Variants in GRIK3 observed in about 807,000 individuals in gnomAD.
The protein encoded by GRIK3 is glutamate ionotropic receptor kainate type subunit 3, also known as glutamate receptor ionotropic, kainate 3.
GRIK3 carries 29 observed loss-of-function variants against 102.5 expected under a neutral mutation model. The observed-to-expected ratio is 0.28, with a 90% CI of 0.21 to 0.39. The LOEUF is 0.39. GRIK3 is among the 10% of genes least tolerant of loss of function. The pLI is 1.00. For synonymous variants in GRIK3, 511 were observed against 504.9 expected (o/e 1.01, Z -0.16); for missense variants, 908 against 1,252.4 (o/e 0.73, Z 4.15).
At position 36,878,642 on chromosome 1, in the gene GRIK3, C is replaced by T. The variant is rs111632579; in HGVS notation, c.550+1992G>A. On this transcript the variant is annotated intron_variant, in intron 3 of 15. Transcript: ENST00000373091. ...GGCCAGGCTAAGAAATGTCTTGGGA[C>T]TCAAGCCTTTGGAAAGAAAGAGGAG... is the stretch of plus-strand genomic sequence containing the variant. 8.4e-3 allele frequency among the ~76,000 whole-genome samples: 1,278 copies of T among 152,294 alleles called. 16 individuals carry two copies. The highest frequency in any genetic ancestry group is 0.029 in the African/African-American group (1,223 of 41,558).
intron 1 of GRIK3, among the ~76,000 whole-genome samples, chr1:36,948,997 G>C (rs1397117675): frequency 6.6e-6 from 1 of 152,194 alleles, no homozygotes; most frequent in Non-Finnish European, 1.5e-5. Flanking sequence ...GGGCACTGCT[G>C]GGTGGCTCAG....
chr1:36,931,217 G>T (rs1641584982), intron 1 of GRIK3, among the ~76,000 whole-genome samples: 1 of 152,116 alleles, frequency 6.6e-6, no homozygotes, highest in South Asian at 2.1e-4. Flanking sequence ...ATAAAAGCAG[G>T]ATAAACAGGG....
At chr1:36,825,490 C>T in intron 11 of GRIK3, 113 bp downstream of exon 11, 1 of 627,824 alleles carries the variant, frequency 1.6e-6, no homozygotes, top group Non-Finnish European at 2.8e-6. Context: ...GGAGTGGGTA[C>T]AGCAGTGGCC....
At position 36,819,993 on chromosome 1, in the gene GRIK3, G is replaced by A. The variant is rs1642679426; in HGVS notation, c.1755-139C>T. 1.7e-6 allele frequency: 1 copy of A among 601,440 alleles called. No individual in the cohort carries two copies. Among genetic ancestry groups the A allele is most frequent in the Admixed American group, 2.8e-5 (1 of 35,268 alleles). The allele number at this position is 601,440 out of a possible 1,614,324, so 37.3% of individuals were successfully genotyped here. ...TGGTTCTGCTGGGAGGCAGGGCAGG[G>A]GAATTTCTTCTTGTTCTTTATTGTT... On this transcript the variant is annotated intron_variant, in intron 11 of 15. Transcript: ENST00000373091. This position sits in a 1 kb window ranked among gnomAD's most constrained non-coding sequence, Gnocchi z 4.1.
chr1:36,817,249 G>T lies in GRIK3; in HGVS notation c.1902C>A (p.Ser634=). ...ACCAGATGCCACCAATGATGCGTGTGGACAGGGCTTTGGGCATCAGCTCAG... is the reference window on the plus strand; with the variant it reads ...ACCAGATGCCACCAATGATGCGTGTTGACAGGGCTTTGGGCATCAGCTCAG... The part of the protein sequence containing the change: ...QGSELMPKAL[S]TRIIGGIWWF... The change falls in exon 13 of 16, where the codon TCC becomes TCA. Residue 634 remains serine, a synonymous_variant. Coordinates refer to ENST00000373091, the MANE Select transcript of GRIK3 (RefSeq NM_000831.4). 6.2e-7 allele frequency: 1 copy of T among 1,613,254 alleles called. No individual in the cohort carries two copies. The highest frequency in any genetic ancestry group is 8.5e-7 in the Non-Finnish European group (1 of 1,179,224).
intron 3 of GRIK3, among the ~76,000 whole-genome samples, chr1:36,875,732 T>C (rs548467529): frequency 7.2e-5 from 11 of 152,330 alleles, no homozygotes; most frequent in Admixed American, 3.3e-4. Flanking sequence ...AAAAACGACC[T>C]AGCCAAGTTC....
chr1:36,962,730 C>A (rs1016311746), intron 1 of GRIK3, among the ~76,000 whole-genome samples: 1 of 150,680 alleles, frequency 6.6e-6, no homozygotes, highest in Non-Finnish European at 1.5e-5. Flanking sequence ...AGGGACCAAG[C>A]CAGGTGGATA....
In GRIK3 at chr1:36,808,411, C is replaced by T. The variant is rs186353483; in HGVS notation, c.2092-2085G>A. Among the ~76,000 whole-genome samples the T allele has an allele frequency of 8.5e-5, 13 of 152,310 alleles. No individual in the cohort carries two copies. In the East Asian group the frequency reaches 2.5e-3, roughly 29 times the overall value. The stretch of plus-strand genomic sequence containing the variant: ...CCACAAAAGTGATGGGATGTCATGT[C>T]CAAAATTAGGTTACAAGAGACTGTG... On this transcript the variant is annotated intron_variant, in intron 13 of 15. Coordinates refer to ENST00000373091, the MANE Select transcript of GRIK3 (RefSeq NM_000831.4).
In GRIK3 at chr1:36,801,821, C is replaced by G; in HGVS notation, c.*30G>C. ...TCCTTTGCTTTCCTCTGCCCAGCCCCCAGGCCTGAGGTCCCCACCCCAGCT... is the reference window on the plus strand; with the variant it reads ...TCCTTTGCTTTCCTCTGCCCAGCCCGCAGGCCTGAGGTCCCCACCCCAGCT... On this transcript the variant is annotated 3_prime_UTR_variant, in exon 16 of 16. Transcript: ENST00000373091. 6.4e-7 allele frequency: 1 copy of G among 1,557,738 alleles called. No homozygotes were observed. Among genetic ancestry groups the G allele is most frequent in the Non-Finnish European group, 8.7e-7 (1 of 1,148,764 alleles).
At chr1:36,823,472 C>CAAA (rs71053954) in intron 11 of GRIK3, among the ~76,000 whole-genome samples, 13 of 38,086 alleles carry the variant, frequency 3.4e-4, no homozygotes, top group Middle Eastern at 0.025. Flanking sequence ...GACTCCGTCT[C>CAAA]AAAAAAAAAA....
intron 2 of GRIK3, among the ~76,000 whole-genome samples, chr1:36,883,996 G>A (rs1004680188): frequency 1.6e-4 from 25 of 152,226 alleles, no homozygotes; most frequent in African/African-American, 5.5e-4. Context: ...AATGTGATGA[G>A]CTGGCTAGTT....
intron 1 of GRIK3, among the ~76,000 whole-genome samples, chr1:36,899,585 A>G (rs566343413): frequency 6.6e-6 from 1 of 152,300 alleles, no homozygotes; most frequent in South Asian, 2.1e-4. Context: ...ACAAGATGAA[A>G]AGAGTTATGG....
intron 1 of GRIK3, among the ~76,000 whole-genome samples, chr1:36,907,769 A>G (rs1214325553): frequency 1.3e-5 from 2 of 152,076 alleles, no homozygotes; most frequent in Non-Finnish European, 2.9e-5. Context: ...GCAAAGGCTG[A>G]ATATCATGGG....
At chr1:36,950,204 G>T (rs1012482123) in intron 1 of GRIK3, among the ~76,000 whole-genome samples, 2 of 152,186 alleles carry the variant, frequency 1.3e-5, no homozygotes, top group Admixed American at 6.5e-5. Context: ...CTCTGGAAAA[G>T]AAGTGGCTTG....
chr1:36,957,986 C>G (rs2124343666), intron 1 of GRIK3, among the ~76,000 whole-genome samples: 1 of 93,108 alleles, frequency 1.1e-5, no homozygotes, highest in African/African-American at 5.2e-5. Context: ...TGCCCCATGA[C>G]TCTGTGCCCC....
intron 15 of GRIK3, 81 bp downstream of exon 15, chr1:36,804,906 G>C (rs748245108): frequency 3.9e-6 from 6 of 1,526,590 alleles, no homozygotes; most frequent in Non-Finnish European, 5.4e-6. Context: ...AGACACCACT[G>C]TGTGCCTGGC....
intron 2 of GRIK3, among the ~76,000 whole-genome samples, chr1:36,881,308 C>T (rs1213443928): frequency 6.6e-6 from 1 of 152,136 alleles, no homozygotes; most frequent in East Asian, 1.9e-4. Context: ...TCTAGCCCGG[C>T]CTGTTCCCTA....
rs561236746 is a variant in GRIK3, at chr1:36,940,286, G to C, written c.116-49190C>G. The stretch of plus-strand genomic sequence containing the variant: ...CCTGTGGCCCTGGTAGCCCCACAGA[G>C]GCCCTATGGCTCTATCCAGAGAGGT... On this transcript the variant is annotated intron_variant, in intron 1 of 15. Coordinates refer to ENST00000373091, the MANE Select transcript of GRIK3 (RefSeq NM_000831.4). 2.6e-5 allele frequency among the ~76,000 whole-genome samples: 4 copies of C among 152,344 alleles called. No individual in the cohort carries two copies. The East Asian group carries it at 7.7e-4, about 29-fold the overall frequency.
rs566186432 is a variant in GRIK3, at chr1:36,851,446, C to T, written c.1213-1022G>A. On this transcript the variant is annotated intron_variant, in intron 8 of 15. Coordinates refer to ENST00000373091, the MANE Select transcript of GRIK3 (RefSeq NM_000831.4). ...GCCTTGAGGAGAGGAAAGTGGTAGA[C>T]GGCATCGAAGAGGCTCTTCTCTTAA... Among the ~76,000 whole-genome samples, 23 of 152,362 alleles carry T rather than the reference C, an allele frequency of 1.5e-4. No homozygotes were observed. In the South Asian group the frequency reaches 3.1e-3, roughly 21 times the overall value.
Sources: allele counts gnomAD v4.1 joint callset (sites outside exome capture counted in the v4.1 genomes callset), GRCh38; gene constraint gnomAD v4.1.1; non-coding constraint Gnocchi (gnomAD v3.1); transcripts MANE v1.5; gene names NCBI Gene and HGNC (gene_info 2026-07-23, HGNC 2026-07-21).